Variants in CEP131 observed in about 807,000 individuals in gnomAD.
CEP131 encodes centrosomal protein of 131 kDa.
CEP131 carries 99 observed loss-of-function variants against 136.8 expected under a neutral mutation model. The ratio of observed to expected loss-of-function variants is 0.72; its 90% CI spans 0.62 to 0.86. The LOEUF (loss-of-function observed/expected upper bound fraction) is 0.86. Ranked by LOEUF, CEP131 falls within the 40% of genes least tolerant of loss-of-function variation. The probability of loss-of-function intolerance (pLI) is 0.00; values close to 1 mark genes in which losing one functional copy is unlikely to be tolerated. For synonymous variants in CEP131, 646 were observed against 612.7 expected, an observed-to-expected ratio of 1.05 and a Z score of -0.80; for missense variants, 1,459 against 1,463.0, an observed-to-expected ratio of 1.00 and a Z score of 0.04.
chr17:81,197,096 C>CG (rs1266651315), intron 13 of CEP131, 41 bp from the exon 14 acceptor site: 15 of 1,560,560 alleles, frequency 9.6e-6, no homozygotes, highest in East Asian at 2.4e-5. Flanking sequence ...CGGCAGAGGA[C>CG]GGGGGGCAGC....
At chr17:81,216,252 G>A (rs927364342) in intron 2 of CEP131, among the ~76,000 whole-genome samples, 2 of 152,080 alleles carry the variant, frequency 1.3e-5, no homozygotes, top group Admixed American at 1.3e-4. Flanking sequence ...CCAGCTTCTT[G>A]GGAGGCAGAG....
Position 81,219,811 on chromosome 17 carries a change from G to A in CEP131, c.177+69C>T. 2 of 1,437,594 alleles carry A rather than the reference G, an allele frequency of 1.4e-6. No individual in the cohort carries two copies. The highest frequency in any genetic ancestry group is 9.3e-7 in the Non-Finnish European group (1 of 1,077,908). 89.1% of individuals were successfully genotyped at this position (1,437,594 alleles called of 1,614,324 possible). On this transcript the variant is annotated intron_variant, in intron 2 of 25. Coordinates refer to ENST00000450824, the MANE Select transcript of CEP131 (RefSeq NM_014984.4). This position sits in a 1 kb window ranked among gnomAD's most constrained non-coding sequence, Gnocchi z 4.0. The stretch of plus-strand genomic sequence containing the variant: ...GTTCACCTGTGGAGCTGGACCCAGG[G>A]GTCAGATGCCAACTGAACAACAGCC...
At chr17:81,197,288 T>A in intron 13 of CEP131, 2 of 600,634 alleles carry the variant, frequency 3.3e-6, no homozygotes, top group Non-Finnish European at 5.8e-6. Flanking sequence ...ATTTAAAAAG[T>A]TCTATGCTGC....
intron 2 of CEP131, among the ~76,000 whole-genome samples, chr17:81,212,023 GA>G: frequency 6.6e-6 from 1 of 151,700 alleles, no homozygotes; most frequent in Non-Finnish European, 1.5e-5. Context: ...TTAAAAATAT[GA>G]AAAGATGTGG....
chr17:81,203,714 T>A lies in CEP131; in HGVS notation c.516-107A>T. The A allele has an allele frequency of 1.2e-6, 1 of 809,502 alleles. No homozygotes were observed. The highest frequency in any genetic ancestry group is 2.3e-5 in the Admixed American group (1 of 42,778). The allele number at this position is 809,502 out of a possible 1,614,324, so 50.1% of individuals were successfully genotyped here. On this transcript the variant is annotated intron_variant, in intron 5 of 25. Coordinates refer to ENST00000450824, the MANE Select transcript of CEP131 (RefSeq NM_014984.4). The surrounding 1 kb of genome is among the most constrained non-coding windows in gnomAD (Gnocchi z 4.6). ...GCTGGGAGGGAACAAAGGCCTTCAG[T>A]GCTTGCTACGTGCTGGCAGCATTGT... is the stretch of plus-strand genomic sequence containing the variant.
chr17:81,200,360 C>A lies in CEP131; in HGVS notation c.875G>T (p.Arg292Leu), dbSNP rs575624973. ...CTTGGCCTGAAGCAAGTGCTCCAGG[C>A]GGGCAGCTCCTGCTCCGCGCCGCTG... ...QVQRRGAGAA[R>L]LEHLLQAKRE... is the part of the protein sequence containing the mutation. Residue 292 changes from arginine (R) to leucine (L), a missense_variant, in exon 8 of 26, where the codon CGC becomes CTC. Around this residue, in one of 3 missense-constraint regions of CEP131, gnomAD observed 246 missense variants for 318.9 expected, o/e 0.77. Coordinates refer to ENST00000450824, the MANE Select transcript of CEP131 (RefSeq NM_014984.4). 3 of 1,590,180 alleles carry A rather than the reference C, an allele frequency of 1.9e-6. No individual in the cohort carries two copies. Among genetic ancestry groups the A allele is most frequent in the African/African-American group, 2.7e-5 (2 of 74,496 alleles).
rs543740437 is a variant in CEP131 at position 81,199,158 on chromosome 17, G to A, written c.1193-187C>T. ...AGGATGAGTGCCACCCCTCCCTTCC[G>A]GGCCTTCTACTCTGTAGGGATCCCT... On this transcript the variant is annotated intron_variant, in intron 10 of 25. Transcript: ENST00000450824. Among the ~76,000 whole-genome samples the A allele has an allele frequency of 9.2e-5, 14 of 152,284 alleles. No homozygotes were observed. The South Asian group carries it at 2.7e-3, about 29-fold the overall frequency.
At chr17:81,218,240 A>G (rs922942464) in intron 2 of CEP131, among the ~76,000 whole-genome samples, 2 of 151,938 alleles carry the variant, frequency 1.3e-5, no homozygotes, top group African/African-American at 4.8e-5. Flanking sequence ...GCAGGGTTTC[A>G]CTATGTTGGC....
rs770966535 is a variant in CEP131 at position 81,192,578 on chromosome 17, C to T, written c.2445G>A (p.Leu815=). ...GQQAARQRAE[L]EELRQQLEES... is the part of the protein sequence containing the mutation. ...CCTCCAGCTGCTGCCTCAGCTCTTCCAGCTCCGCCCGCTGCCTGCGGCCAG... is the reference window on the plus strand; with the variant it reads ...CCTCCAGCTGCTGCCTCAGCTCTTCTAGCTCCGCCCGCTGCCTGCGGCCAG... The change falls in exon 20 of 26, where the codon CTG becomes CTA. Residue 815 remains leucine, a synonymous_variant. Transcript: ENST00000450824. 29 of 1,608,144 alleles carry T rather than the reference C, an allele frequency of 1.8e-5. No individual in the cohort carries two copies. Among genetic ancestry groups the T allele is most frequent in the Non-Finnish European group, 2.5e-5 (29 of 1,179,444 alleles).
intron 10 of CEP131, 48 bp downstream of exon 10, chr17:81,199,333 G>A (rs762541180): frequency 1.6e-5 from 25 of 1,529,244 alleles, no homozygotes; most frequent in South Asian, 6.1e-5. Flanking sequence ...CTTCCTTCCT[G>A]GCTGCAGTCC....
At chr17:81,197,965 G>T (rs1206282793) in intron 12 of CEP131, 77 bp from the exon 13 acceptor site, 1 of 1,549,548 alleles carries the variant, frequency 6.5e-7, no homozygotes, top group African/African-American at 1.4e-5. Context: ...AGAGGTGGCA[G>T]CTGAGGCTGG....
chr17:81,199,980 C>T (rs2061854095), intron 8 of CEP131, 145 bp from the exon 9 acceptor site: 1 of 798,566 alleles, frequency 1.3e-6, no homozygotes, highest in Non-Finnish European at 2.1e-6. Flanking sequence ...CCCACCAGGA[C>T]CTTGAACCTG....
Position 81,190,922 on chromosome 17 carries a change from C to T in CEP131, c.2928G>A (p.Leu976=). 8 of 1,604,402 alleles carry T rather than the reference C, an allele frequency of 5.0e-6. No homozygotes were observed. Among genetic ancestry groups the T allele is most frequent in the Non-Finnish European group, 6.8e-6 (8 of 1,179,294 alleles). ...GCCCACTCACCGCCTGCGCATCCTC[C>T]AGCGCCCGCTCCTTCTGCCGCACAA... ...QGLVRQKERA[L]EDAQAVNEQL... The change falls in exon 23 of 26, where the codon CTG becomes CTA. Residue 976 remains leucine, a synonymous_variant. Transcript: ENST00000450824.
rs368017972 is a variant in CEP131 at position 81,195,916 on chromosome 17, G to A, written c.1935C>T (p.Cys645=). The A allele has an allele frequency of 8.7e-6, 14 of 1,610,038 alleles. No homozygotes were observed. Among genetic ancestry groups the A allele is most frequent in the Admixed American group, 5.0e-5 (3 of 60,002 alleles). The part of the protein sequence containing the change: ...IEDKKVLSEK[C]EAVVAELKQE... ...GCTTCAGCTCGGCCACCACAGCCTC[G>A]CACTTTTCACTCAGGACCTTCTTGT... is the stretch of plus-strand genomic sequence containing the variant. Residue 645 remains cysteine (C), a synonymous_variant, in exon 16 of 26, where the codon TGC becomes TGT. Coordinates refer to ENST00000450824, the MANE Select transcript of CEP131 (RefSeq NM_014984.4).
In CEP131 at chr17:81,196,688, C is replaced by G; in HGVS notation, c.1899+13G>C. 1 of 1,599,376 alleles carries G rather than the reference C, an allele frequency of 6.3e-7. No individual in the cohort carries two copies. Among genetic ancestry groups the G allele is most frequent in the Non-Finnish European group, 8.5e-7 (1 of 1,177,300 alleles). ...CGCTGGGTCCGGGCCTCTGCGCTCC[C>G]CGGGCCGCTCACCTGGTCAATGAAG... On this transcript the variant is annotated intron_variant, in intron 15 of 25. Transcript: ENST00000450824.
chr17:81,201,296 G>A (rs1039881569), intron 7 of CEP131, among the ~76,000 whole-genome samples: 2 of 152,182 alleles, frequency 1.3e-5, no homozygotes, highest in Non-Finnish European at 2.9e-5. Context: ...CTAACTGGGC[G>A]GTAGGGTAGG....
At chr17:81,195,774 C>T in intron 16 of CEP131, 61 bp downstream of exon 16, 1 of 1,456,370 alleles carries the variant, frequency 6.9e-7, no homozygotes, top group Non-Finnish European at 9.4e-7. Context: ...GGGGCTGTGC[C>T]AGCTGAGCCT....
intron 1 of CEP131, among the ~76,000 whole-genome samples, chr17:81,220,797 G>A (rs905755130): frequency 4.0e-5 from 6 of 149,784 alleles, no homozygotes; most frequent in African/African-American, 1.2e-4. Flanking sequence ...CACCGTACCC[G>A]GCCCCTAAGT....
In CEP131 at chr17:81,190,765, G is replaced by A; in HGVS notation, c.2981C>T (p.Ala994Val). 1 of 1,612,034 alleles carries A rather than the reference G, an allele frequency of 6.2e-7. No individual in the cohort carries two copies. The highest frequency in any genetic ancestry group is 8.5e-7 in the Non-Finnish European group (1 of 1,179,562). The stretch of plus-strand genomic sequence containing the variant: ...CTCGAACTCCTGGCGGATCACCTGG[G>A]CCAGGTTGCTGCGCTCGCTAGAAAG... ...EQLSSERSNL[A>V]QVIRQEFEDR... The change falls in exon 24 of 26, where the codon GCC (alanine) becomes GTC (valine). Residue 994 changes from alanine (A) to valine (V), a missense_variant. Ala to Val is a moderately conservative substitution (Grantham distance 64). Coordinates refer to ENST00000450824, the MANE Select transcript of CEP131 (RefSeq NM_014984.4).
Sources: allele counts gnomAD v4.1 joint callset (sites outside exome capture counted in the v4.1 genomes callset), GRCh38; gene constraint gnomAD v4.1.1; regional missense constraint gnomAD v4.1.1; non-coding constraint Gnocchi (gnomAD v3.1); transcripts MANE v1.5; gene names NCBI Gene and HGNC (gene_info 2026-07-23, HGNC 2026-07-21).